Variants in ASAP1 observed in about 807,000 individuals in gnomAD.
The protein encoded by ASAP1 is ArfGAP with SH3 domain, ankyrin repeat and PH domain 1, also known as arf-GAP with SH3 domain, ANK repeat and PH domain-containing protein 1.
A neutral mutation model predicts 145.2 loss-of-function variants in ASAP1; 43 were observed. The ratio of observed to expected loss-of-function variants is 0.30; its 90% CI spans 0.23 to 0.38. The LOEUF is 0.38. Among genes scored for constraint, ASAP1 ranks in the 10% least tolerant of loss-of-function variants. ASAP1 has a pLI of 1.00. For missense variants in ASAP1, 1,018 were observed against 1,355.3 expected, an observed-to-expected ratio of 0.75 and a Z score of 3.91; for synonymous variants, 546 against 515.5, an observed-to-expected ratio of 1.06 and a Z score of -0.80.
At chr8:130,171,741 C>T (rs2136106081) in intron 9 of ASAP1, among the ~76,000 whole-genome samples, 1 of 152,318 alleles carries the variant, frequency 6.6e-6, no homozygotes, top group East Asian at 1.9e-4. Flanking sequence ...CTTCATTGAG[C>T]ATGTGGGCCC....
intron 5 of ASAP1, among the ~76,000 whole-genome samples, chr8:130,198,288 C>G (rs1475673375): frequency 6.6e-6 from 1 of 152,050 alleles, no homozygotes; most frequent in African/African-American, 2.4e-5. Context: ...CCACACCCAG[C>G]TGATTTTTGT....
At chr8:130,357,180 T>C (rs1826366784) in intron 3 of ASAP1, among the ~76,000 whole-genome samples, 1 of 151,892 alleles carries the variant, frequency 6.6e-6, no homozygotes, top group Non-Finnish European at 1.5e-5. Context: ...CTAAAGAAAA[T>C]CGATTTGGCC....
chr8:130,350,537 G>A (rs907404843), intron 3 of ASAP1, among the ~76,000 whole-genome samples: 1 of 152,188 alleles, frequency 6.6e-6, no homozygotes, highest in African/African-American at 2.4e-5. Context: ...CTGATCAGCA[G>A]AAGATGATTC....
At chr8:130,056,224 T>C (rs138729565) in intron 29 of ASAP1, among the ~76,000 whole-genome samples, 82 of 152,338 alleles carry the variant, frequency 5.4e-4, no homozygotes, top group African/African-American at 1.8e-3. Flanking sequence ...CCAAGGCCCA[T>C]AGAGCTAGTA....
chr8:130,117,054 AT>A lies in ASAP1; in HGVS notation c.1881-60del, dbSNP rs1366898680. 7.5e-6 allele frequency: 9 copies of A among 1,207,594 alleles called. No homozygotes were observed. In the East Asian group the frequency reaches 1.9e-4, roughly 26 times the overall value. The allele number at this position is 1,207,594 out of a possible 1,614,324, so 74.8% of individuals were successfully genotyped here. The stretch of plus-strand genomic sequence containing the variant: ...CTTACTTTATAACTTAAAACTATAG[AT>A]TAGCCACTTATTTTTGTGCTGACAA... On this transcript the variant is annotated intron_variant, in intron 20 of 29. Transcript: ENST00000518721.
intron 2 of ASAP1, among the ~76,000 whole-genome samples, chr8:130,395,563 A>T (rs1180236950): frequency 6.6e-6 from 1 of 152,200 alleles, no homozygotes; most frequent in African/African-American, 2.4e-5. Context: ...GACACCAGAC[A>T]CTACGAAGAG....
At chr8:130,162,615 G>A (rs2097671552) in intron 11 of ASAP1, among the ~76,000 whole-genome samples, 2 of 151,966 alleles carry the variant, frequency 1.3e-5, no homozygotes, top group African/African-American at 4.8e-5. Flanking sequence ...TCAGGAGATC[G>A]AGACCATCCT....
intron 2 of ASAP1, among the ~76,000 whole-genome samples, chr8:130,362,324 TTCA>T (rs1826756196): frequency 1.3e-5 from 2 of 152,160 alleles, no homozygotes; most frequent in African/African-American, 2.4e-5. Flanking sequence ...AGCGACAGCA[TTCA>T]TCACAGGCTC....
chr8:130,167,163 G>T (rs575315379), intron 11 of ASAP1, among the ~76,000 whole-genome samples: 42 of 152,136 alleles, frequency 2.8e-4, no homozygotes, highest in African/African-American at 7.7e-4. Context: ...AATTATCCAG[G>T]CATGGTGGCA....
At chr8:130,267,647 T>A (rs2137040722) in intron 3 of ASAP1, among the ~76,000 whole-genome samples, 1 of 152,300 alleles carries the variant, frequency 6.6e-6, no homozygotes, top group Middle Eastern at 3.4e-3. Flanking sequence ...AATAAATAAA[T>A]TACGTGTTGA....
chr8:130,174,488 G>C (rs1405131348), intron 9 of ASAP1, among the ~76,000 whole-genome samples: 1 of 152,188 alleles, frequency 6.6e-6, no homozygotes, highest in African/African-American at 2.4e-5. Context: ...ATGTAACTGA[G>C]TATTTACTCT....
intron 12 of ASAP1, among the ~76,000 whole-genome samples, chr8:130,157,605 C>T (rs941266966): frequency 6.6e-6 from 1 of 152,132 alleles, no homozygotes; most frequent in African/African-American, 2.4e-5. Context: ...AATGATTCCC[C>T]ACCTCACGGA....
At chr8:130,388,292 T>A (rs201100735) in intron 2 of ASAP1, among the ~76,000 whole-genome samples, 2 of 152,198 alleles carry the variant, frequency 1.3e-5, no homozygotes, top group African/African-American at 4.8e-5. Flanking sequence ...CTAGTCTTTG[T>A]AGGCCACGGT....
At chr8:130,223,572 G>T (rs1385631475) in intron 4 of ASAP1, among the ~76,000 whole-genome samples, 1 of 152,070 alleles carries the variant, frequency 6.6e-6, no homozygotes, top group African/African-American at 2.4e-5. Context: ...TATAAACTGT[G>T]ATCTAGGGCA....
intron 2 of ASAP1, among the ~76,000 whole-genome samples, chr8:130,370,653 C>T (rs558739228): frequency 4.6e-5 from 7 of 152,296 alleles, no homozygotes; most frequent in African/African-American, 1.4e-4. Context: ...ACAGCTCAAA[C>T]GTTCATGAAC....
intron 3 of ASAP1, among the ~76,000 whole-genome samples, chr8:130,326,279 T>C (rs891029914): frequency 6.6e-6 from 1 of 152,202 alleles, no homozygotes; most frequent in Non-Finnish European, 1.5e-5. Context: ...GAGTTTGCTT[T>C]TACAAGTCTA....
intron 18 of ASAP1, among the ~76,000 whole-genome samples, chr8:130,119,794 A>G (rs1480772819): frequency 6.7e-6 from 1 of 148,494 alleles, no homozygotes; most frequent in Non-Finnish European, 1.5e-5. Context: ...AATCGTCATG[A>G]GCTTCAGTTT....
intron 13 of ASAP1, among the ~76,000 whole-genome samples, chr8:130,151,399 A>G (rs1295765568): frequency 3.7e-5 from 5 of 134,182 alleles, no homozygotes; most frequent in Non-Finnish European, 6.5e-5. Context: ...AAAAAAAAAA[A>G]AAAAAAAAAA....
At chr8:130,160,368 C>T (rs944469973) in intron 11 of ASAP1, among the ~76,000 whole-genome samples, 2 of 152,178 alleles carry the variant, frequency 1.3e-5, no homozygotes, top group East Asian at 1.9e-4. Flanking sequence ...CATGTTCTTC[C>T]CTTAGGCTGT....
Sources: gnomAD v4.1 joint callset for allele counts (sites outside exome capture counted in the v4.1 genomes callset) on GRCh38, gnomAD v4.1.1 for gene constraint, MANE v1.5 for transcripts, NCBI Gene and HGNC (gene_info 2026-07-23, HGNC 2026-07-21) for gene names.